The following TRIM61 variants were observed in gnomAD, a reference collection of about 807,000 sequenced individuals.
TRIM61 encodes the protein tripartite motif containing 61, also known as putative tripartite motif-containing protein 61.
In TRIM61, 1 loss-of-function variant was observed where a neutral mutation model predicts 14.2. That is an observed-to-expected ratio of 0.07 (90% CI 0.03 to 0.33). The LOEUF (loss-of-function observed/expected upper bound fraction) is 0.33. TRIM61 is among the 10% of genes least tolerant of loss of function. The pLI is 0.99. For synonymous variants in TRIM61, 8 were observed against 71.6 expected, an observed-to-expected ratio of 0.11 and a Z score of 4.49; for missense variants, 19 against 202.2, an observed-to-expected ratio of 0.09 and a Z score of 5.49.
rs1006398294 is a variant in TRIM61 at position 164,972,306 on chromosome 4, T to C, written c.-337-1967A>G. ...TAACAACCTCTTTTTCTTATAAGAA[T>C]ATCATGTAAGTTGTAGCTAATTCTT... On this transcript the variant is annotated intron_variant, in intron 2 of 4. Transcript: ENST00000329314. Among the ~76,000 whole-genome samples, 13 of 152,388 alleles carry C rather than the reference T, an allele frequency of 8.5e-5. No homozygotes were observed. The East Asian group carries it at 2.3e-3, about 27-fold the overall frequency.
intron 3 of TRIM61, chr4:164,956,970 G>T (rs1732005984): frequency 3.5e-6 from 5 of 1,437,638 alleles, no homozygotes; most frequent in African/African-American, 1.4e-5. Context: ...GGGTGAGACC[G>T]TGAAGGTGTG....
At chr4:164,973,967 G>A (rs1160578271) in intron 2 of TRIM61, among the ~76,000 whole-genome samples, 2 of 152,172 alleles carry the variant, frequency 1.3e-5, no homozygotes, top group Admixed American at 6.5e-5. Context: ...TCAGCAGTTC[G>A]AGAACCAGCC....
intron 3 of TRIM61, chr4:164,957,108 G>T (rs771003946): frequency 6.3e-7 from 1 of 1,581,206 alleles, no homozygotes; most frequent in Admixed American, 1.8e-5. Flanking sequence ...GGGTGGGCTG[G>T]GCGAGCCAAA....
At chr4:164,956,878 G>A in intron 3 of TRIM61, 1 of 793,734 alleles carries the variant, frequency 1.3e-6, no homozygotes, top group Non-Finnish European at 1.9e-6. Context: ...TCTCCCAGGA[G>A]GCTGGGCGAG....
intron 3 of TRIM61, chr4:164,957,188 A>G (rs1732020016): frequency 1.2e-6 from 2 of 1,613,606 alleles, no homozygotes; most frequent in African/African-American, 1.3e-5. Context: ...CCGCCATGGC[A>G]GTGTCTCTTT....
intron 3 of TRIM61, among the ~76,000 whole-genome samples, chr4:164,959,361 C>G (rs1443282015): frequency 6.6e-6 from 1 of 151,802 alleles, no homozygotes; most frequent in Non-Finnish European, 1.5e-5. Flanking sequence ...GTCTTATGTC[C>G]AGAGGTTTTA....
chr4:164,974,984 G>GC (rs1219618910), intron 2 of TRIM61, among the ~76,000 whole-genome samples: 2 of 152,188 alleles, frequency 1.3e-5, no homozygotes, highest in African/African-American at 4.8e-5. Context: ...TGTAATCCCA[G>GC]CACTTTGGGA....
At chr4:164,958,058 C>T (rs559395896) in intron 3 of TRIM61, 1 of 166,764 alleles carries the variant, frequency 6.0e-6, no homozygotes, top group Admixed American at 6.6e-5. Context: ...TTTGGAAAGA[C>T]ACCACAAAAA....
In TRIM61 at chr4:164,962,389, T is replaced by TTGTG. The variant is rs147058101; in HGVS notation, c.525+7085_525+7088dup. ...GCGCCTGCCACCATGCCTGGCTAATTTGTGTGTGTGTGTGTGTGTGTGTGT... is the reference window on the plus strand; with the variant it reads ...GCGCCTGCCACCATGCCTGGCTAATTTGTGTGTGTGTGTGTGTGTGTGTGTGTGT... On this transcript the variant is annotated intron_variant, in intron 3 of 4. Transcript: ENST00000329314. Among the ~76,000 whole-genome samples the TTGTG allele has an allele frequency of 6.6e-3, 963 of 146,494 alleles. 5 individuals carry two copies. Among genetic ancestry groups the TTGTG allele is most frequent in the African/African-American group, 0.013 (515 of 39,586 alleles).
At chr4:164,973,008 G>A (rs946847167) in intron 2 of TRIM61, among the ~76,000 whole-genome samples, 8 of 152,180 alleles carry the variant, frequency 5.3e-5, no homozygotes, top group African/African-American at 1.9e-4. Flanking sequence ...AACAAACACA[G>A]GTATCATGCT....
intron 3 of TRIM61, chr4:164,958,952 A>G (rs1732073574): frequency 6.0e-6 from 1 of 167,102 alleles, no homozygotes; most frequent in African/African-American, 2.4e-5. Context: ...CGCACCACCC[A>G]GGCACATACT....
chr4:164,966,166 G>A (rs1441296226), intron 3 of TRIM61, among the ~76,000 whole-genome samples: 1 of 152,134 alleles, frequency 6.6e-6, no homozygotes, highest in Non-Finnish European at 1.5e-5. Context: ...CTAGACAACT[G>A]CAGGGGACAG....
chr4:164,956,997 C>G lies in TRIM61; in HGVS notation c.526-1901G>C, dbSNP rs1560881501. On this transcript the variant is annotated intron_variant, in intron 3 of 4. Transcript: ENST00000329314. Reference sequence around the variant, plus strand: ...GAAGGTGTGGCGCGACGTTGGAGACCGGGGCAGCGCCATGTACCACAGTGG... The same window carrying G: ...GAAGGTGTGGCGCGACGTTGGAGACGGGGGCAGCGCCATGTACCACAGTGG... 9 of 1,460,398 alleles carry G rather than the reference C, an allele frequency of 6.2e-6. No individual in the cohort carries two copies. The South Asian group carries it at 1.2e-4, about 19-fold the overall frequency. 90.5% of individuals were successfully genotyped at this position (1,460,398 alleles called of 1,614,324 possible).
Position 164,954,620 on chromosome 4 carries a change from C to T in TRIM61, c.*165G>A, listed in dbSNP as rs1475828181. 2.6e-5 allele frequency: 4 copies of T among 151,982 alleles called. No homozygotes were observed. The highest frequency in any genetic ancestry group is 9.7e-5 in the African/African-American group (4 of 41,366). 9.4% of individuals were successfully genotyped at this position (151,982 alleles called of 1,614,324 possible). ...GAAATACATATAATTACATACCTTA[C>T]AAATGTAATTAAAATTTTATTATGG... is the stretch of plus-strand genomic sequence containing the variant. On this transcript the variant is annotated 3_prime_UTR_variant, in exon 5 of 5. Coordinates refer to ENST00000329314, the MANE Select transcript of TRIM61 (RefSeq NM_001012414.3).
intron 3 of TRIM61, among the ~76,000 whole-genome samples, chr4:164,959,786 C>G (rs1344101939): frequency 1.3e-5 from 2 of 152,174 alleles, no homozygotes; most frequent in Non-Finnish European, 2.9e-5. Flanking sequence ...AAACTTCAAA[C>G]TCTGCCTAAC....
chr4:164,956,181 T>C (rs1731984909), intron 3 of TRIM61, among the ~76,000 whole-genome samples: 2 of 152,204 alleles, frequency 1.3e-5, no homozygotes, highest in South Asian at 4.1e-4. Flanking sequence ...TTCTCCCACC[T>C]CAGCCTCCGG....
intron 3 of TRIM61, among the ~76,000 whole-genome samples, chr4:164,964,004 ATATAT>A (rs1732188565): frequency 6.6e-6 from 1 of 151,986 alleles, no homozygotes; most frequent in South Asian, 2.1e-4. Context: ...TAAATTTATA[ATATAT>A]TAGAAAAAAA....
chr4:164,964,681 T>C (rs1732201822), intron 3 of TRIM61, among the ~76,000 whole-genome samples: 1 of 152,142 alleles, frequency 6.6e-6, no homozygotes, highest in South Asian at 2.1e-4. Flanking sequence ...ATTATAGTGA[T>C]TTTTTGGGAC....
chr4:164,977,353 C>T (rs567570985), intron 1 of TRIM61, among the ~76,000 whole-genome samples, 178 bp downstream of exon 1: 3 of 152,322 alleles, frequency 2.0e-5, no homozygotes, highest in East Asian at 1.9e-4. Context: ...TCAACACCCC[C>T]ATTCTAACTC....
Sources: gnomAD v4.1 joint callset for allele counts (sites outside exome capture counted in the v4.1 genomes callset) on GRCh38, gnomAD v4.1.1 for gene constraint, MANE v1.5 for transcripts, NCBI Gene and HGNC (gene_info 2026-07-23, HGNC 2026-07-21) for gene names.